The following MASTL variants were observed in gnomAD, a reference collection of about 807,000 sequenced individuals.
The protein encoded by MASTL is serine/threonine-protein kinase greatwall.
MASTL carries 54 observed loss-of-function variants against 82.5 expected under a neutral mutation model. The ratio of observed to expected loss-of-function variants is 0.65; its 90% CI spans 0.53 to 0.82. MASTL has a LOEUF of 0.82. Ranked by LOEUF, MASTL falls within the 40% of genes least tolerant of loss-of-function variation. The pLI, the probability that MASTL is intolerant of heterozygous loss-of-function variation, is 0.00. For missense variants in MASTL, 950 were observed against 1,047.8 expected (o/e 0.91, Z 1.29); for synonymous variants, 323 against 368.9 (o/e 0.88, Z 1.43).
rs11442040 is a variant in MASTL, at chr10:27,187,751, C to CA, written c.*1229dup. On this transcript the variant is annotated 3_prime_UTR_variant, in exon 12 of 12. Coordinates refer to ENST00000375940, the MANE Select transcript of MASTL (RefSeq NM_001172303.3). ...TGGGCAACAGAATGAGACTCAGTCT[C>CA]AAAAAAAAAAAAAATACTACTGGAA... Among the ~76,000 whole-genome samples, 81,390 of 139,206 alleles carry CA rather than the reference C, an allele frequency of 0.58. 24,440 individuals are homozygous for CA. The highest frequency in any genetic ancestry group is 0.7 in the Non-Finnish European group (44,948 of 63,972). 91.3% of individuals were successfully genotyped at this position (139,206 alleles called of 152,430 possible).
In MASTL at chr10:27,170,296, AT is replaced by A; in HGVS notation, c.1341del (p.Phe447LeufsTer20). On this transcript the variant is annotated frameshift_variant, in exon 8 of 12. Coordinates refer to ENST00000375940, the MANE Select transcript of MASTL (RefSeq NM_001172303.3). LOFTEE classifies it high-confidence loss of function. Reference protein sequence around the residue: ...EHLGKRSLKRNFELVDSSPCK... With the variant: ...EHLGKRSLKRXFELVDSSPCK... ...CTTGGGAAAAGAAGTTTAAAAAGAA[AT>A]TTTGAGTTGGTTGACTCCAGTCCTT... The A allele has an allele frequency of 6.2e-7, 1 of 1,614,048 alleles. No homozygotes were observed. The highest frequency in any genetic ancestry group is 8.5e-7 in the Non-Finnish European group (1 of 1,179,926).
intron 7 of MASTL, among the ~76,000 whole-genome samples, chr10:27,168,420 G>C (rs144904958): frequency 9.1e-4 from 139 of 152,288 alleles, no homozygotes; most frequent in Middle Eastern, 3.4e-3. Context: ...TGCTTCTCAA[G>C]TTATGATCAG....
At position 27,173,201 on chromosome 10, in the gene MASTL, G is replaced by A. The variant is rs753331614; in HGVS notation, c.2208G>A (p.Gly736=). ...VRRGVAPVDD[G]RILGTPDYLA... ...GAGGGGTGGCCCCCGTTGATGATGG[G>A]CGAATTCTAGGAACCCCAGACTACC... is the stretch of plus-strand genomic sequence containing the variant. The change falls in exon 9 of 12, where the codon GGG becomes GGA. Residue 736 remains glycine, a synonymous_variant. Coordinates refer to ENST00000375940, the MANE Select transcript of MASTL (RefSeq NM_001172303.3). 6.8e-6 allele frequency: 11 copies of A among 1,614,186 alleles called. No homozygotes were observed. The highest frequency in any genetic ancestry group is 8.5e-6 in the Non-Finnish European group (10 of 1,180,032).
Position 27,155,504 on chromosome 10 carries a change from G to C in MASTL, c.78G>C (p.Val26=). The C allele has an allele frequency of 6.2e-7, 1 of 1,614,180 alleles. No individual in the cohort carries two copies. The highest frequency in any genetic ancestry group is 8.5e-7 in the Non-Finnish European group (1 of 1,180,020). The change falls in exon 1 of 12, where the codon GTG becomes GTC. Residue 26 remains valine (V), a synonymous_variant. Transcript: ENST00000375940. ...AGGAGGGCGTGAATAGGATCGCAGT[G>C]CCAAAACCGCCCTCCATTGAGGAAT... ...ATEEGVNRIA[V]PKPPSIEEFS...
At chr10:27,155,291 A>G (rs1308167968), upstream of MASTL, 13 of 839,770 alleles carry the variant, frequency 1.5e-5, no homozygotes, top group Admixed American at 1.3e-4. Context: ...AGGGGAGGTG[A>G]CGAGGGCGGG....
In MASTL at chr10:27,158,562, C is replaced by T. The variant is rs1444086800; in HGVS notation, c.200C>T (p.Ala67Val). The change falls in exon 2 of 12, where the codon GCA (alanine) becomes GTA (valine). Residue 67 changes from alanine to valine, a missense_variant. Coordinates refer to ENST00000375940, the MANE Select transcript of MASTL (RefSeq NM_001172303.3). Reference protein sequence around the residue: ...KLYAVKVVKKADMINKNMTHQ... With the variant: ...KLYAVKVVKKVDMINKNMTHQ... ...TATCTATTACAGGTTGTTAAAAAAG[C>T]AGACATGATCAACAAAAATATGACT... 2 of 1,603,110 alleles carry T rather than the reference C, an allele frequency of 1.2e-6. No homozygotes were observed. The highest frequency in any genetic ancestry group is 1.7e-6 in the Non-Finnish European group (2 of 1,170,172).
rs1217569029 is a variant in MASTL at position 27,170,006 on chromosome 10, A to G, written c.1047A>G (p.Ala349=). The G allele has an allele frequency of 6.2e-7, 1 of 1,614,188 alleles. No homozygotes were observed. Among genetic ancestry groups the G allele is most frequent in the Non-Finnish European group, 8.5e-7 (1 of 1,180,024 alleles). The change falls in exon 8 of 12, where the codon GCA becomes GCG. Residue 349 remains alanine (A), a synonymous_variant. Coordinates refer to ENST00000375940, the MANE Select transcript of MASTL (RefSeq NM_001172303.3). ...MSWNAVEKLC[A]KSANAIETKG... ...GGAATGCAGTTGAAAAGTTATGCGC[A>G]AAATCTGCAAATGCCATTGAGACGA...
chr10:27,181,563 A>C lies in MASTL; in HGVS notation c.2464A>C (p.Lys822Gln), dbSNP rs1482423938. The C allele has an allele frequency of 6.2e-7, 1 of 1,609,158 alleles. No individual in the cohort carries two copies. Among genetic ancestry groups the C allele is most frequent in the African/African-American group, 1.3e-5 (1 of 74,844 alleles). The change falls in exon 11 of 12, where the codon AAG (lysine) becomes CAG (glutamine). Residue 822 changes from lysine (K) to glutamine (Q), a missense_variant. Transcript: ENST00000375940. ...VEILLTIDDT[K>Q]RAGMKELKRH... ...AATACTTTTAACCATTGATGATACA[A>C]AGAGAGCTGGAATGAAAGGTATGGT...
At chr10:27,185,760 T>C (rs868081253) in intron 11 of MASTL, among the ~76,000 whole-genome samples, 7 of 147,172 alleles carry the variant, frequency 4.8e-5, no homozygotes, top group Non-Finnish European at 8.9e-5. Context: ...ACACTCCAGA[T>C]TGGGCACTGG....
At chr10:27,181,919 CA>C (rs1338159924) in intron 11 of MASTL, among the ~76,000 whole-genome samples, 1 of 151,778 alleles carries the variant, frequency 6.6e-6, no homozygotes, top group African/African-American at 2.4e-5. Flanking sequence ...ACTAAAAATA[CA>C]AAAAAGTAGG....
chr10:27,155,744 C>A, intron 1 of MASTL, 132 bp downstream of exon 1: 1 of 983,868 alleles, frequency 1.0e-6, no homozygotes, highest in Non-Finnish European at 1.6e-6. Flanking sequence ...GCCTCCAGAG[C>A]CCTGCGAGCT....
chr10:27,187,562 G>A lies in MASTL; in HGVS notation c.*1026G>A, dbSNP rs578126747. 2.9e-4 allele frequency among the ~76,000 whole-genome samples: 44 copies of A among 152,188 alleles called. No homozygotes were observed. Among genetic ancestry groups the A allele is most frequent in the African/African-American group, 1.0e-3 (43 of 41,538 alleles). On this transcript the variant is annotated 3_prime_UTR_variant, in exon 12 of 12. Transcript: ENST00000375940. ...AGGCCTGGAGTTTGAGACCAGCCTG[G>A]CCAACATGGCAAAACCTGGTCTCTA...
intron 8 of MASTL, among the ~76,000 whole-genome samples, chr10:27,171,823 T>TTATTTA (rs1348097739): frequency 1.9e-5 from 2 of 104,390 alleles, no homozygotes; most frequent in South Asian, 6.9e-4. Context: ...AAAAATATGT[T>TTATTTA]TCTTTTTTTT....
Position 27,155,417 on chromosome 10 carries a change from C to A in MASTL, c.-10C>A. On this transcript the variant is annotated 5_prime_UTR_variant, in exon 1 of 12. It adds an upstream start codon to the 5' untranslated region. Coordinates refer to ENST00000375940, the MANE Select transcript of MASTL (RefSeq NM_001172303.3). The stretch of plus-strand genomic sequence containing the variant: ...GCAGTGTCTGCGGGGCCGCTGTATG[C>A]TGTCCAGCGATGGATCCCACCGCGG... 19 of 1,602,280 alleles carry A rather than the reference C, an allele frequency of 1.2e-5. No homozygotes were observed. The highest frequency in any genetic ancestry group is 1.6e-5 in the Non-Finnish European group (19 of 1,175,628).
chr10:27,175,927 T>A (rs1427921523), intron 9 of MASTL, among the ~76,000 whole-genome samples: 1 of 151,944 alleles, frequency 6.6e-6, no homozygotes, highest in Non-Finnish European at 1.5e-5. Context: ...TAAAACCCCA[T>A]CTCTACTAAA....
At chr10:27,161,262 C>A in intron 4 of MASTL, 80 bp downstream of exon 4, 1 of 818,280 alleles carries the variant, frequency 1.2e-6, no homozygotes, top group Non-Finnish European at 2.1e-6. Flanking sequence ...AATCCCAGCA[C>A]TTTGGGAGGC....
At chr10:27,156,762 C>T (rs968512127) in intron 1 of MASTL, among the ~76,000 whole-genome samples, 1 of 151,712 alleles carries the variant, frequency 6.6e-6, no homozygotes, top group Non-Finnish European at 1.5e-5. Context: ...TCAGGTGACC[C>T]GCCCACATCG....
chr10:27,169,930 T>G lies in MASTL; in HGVS notation c.985-14T>G. ...GCTTTATATAACTAAAACAAATATT[T>G]TTTTCCCTCTTAGGAAAGTGATGAA... On this transcript the variant is annotated splice_polypyrimidine_tract_variant and intron_variant, in intron 7 of 11. Coordinates refer to ENST00000375940, the MANE Select transcript of MASTL (RefSeq NM_001172303.3). 1 of 1,613,674 alleles carries G rather than the reference T, an allele frequency of 6.2e-7. No individual in the cohort carries two copies. The highest frequency in any genetic ancestry group is 8.5e-7 in the Non-Finnish European group (1 of 1,179,820).
chr10:27,186,108 A>T (rs980967325), intron 11 of MASTL, among the ~76,000 whole-genome samples: 24 of 152,230 alleles, frequency 1.6e-4, no homozygotes, highest in African/African-American at 5.5e-4. Flanking sequence ...GCTGTGAGAA[A>T]GATAGGCTTC....
Sources: gnomAD v4.1 joint callset for allele counts (sites outside exome capture counted in the v4.1 genomes callset) on GRCh38, gnomAD v4.1.1 for gene constraint, MANE v1.5 for transcripts, NCBI Gene and HGNC (gene_info 2026-07-23, HGNC 2026-07-21) for gene names.